Variants in MYRIP observed in about 807,000 individuals in gnomAD.
The protein encoded by MYRIP is rab effector MyRIP.
In MYRIP, 49 loss-of-function variants were observed where a neutral mutation model predicts 98.0. The ratio of observed to expected loss-of-function variants is 0.50; its 90% CI spans 0.40 to 0.63. MYRIP has a LOEUF of 0.63. Ranked by LOEUF, MYRIP falls within the 30% of genes least tolerant of loss-of-function variation. The pLI, the probability that MYRIP is intolerant of heterozygous loss-of-function variation, is 0.00. For synonymous variants in MYRIP, 404 were observed against 409.5 expected, an observed-to-expected ratio of 0.99 and a Z score of 0.16; for missense variants, 1,004 against 1,058.2, an observed-to-expected ratio of 0.95 and a Z score of 0.71.
At chr3:40,039,419 A>G (rs982077627) in intron 2 of MYRIP, among the ~76,000 whole-genome samples, 11 of 152,302 alleles carry the variant, frequency 7.2e-5, no homozygotes, top group Non-Finnish European at 1.3e-4. Flanking sequence ...AACAAGAGTA[A>G]CACGAGGAAG....
rs538312983 is a variant in MYRIP at position 40,179,370 on chromosome 3, ACT to A, written c.874-2845_874-2844del. Among the ~76,000 whole-genome samples the A allele has an allele frequency of 1.5e-4, 22 of 151,658 alleles. No homozygotes were observed. The South Asian group carries it at 4.0e-3, about 27-fold the overall frequency. The stretch of plus-strand genomic sequence containing the variant: ...CTATTTTTATAGCCTGGCATTCCCT[ACT>A]CTCTGCTGTTGGGACCAGAGAGGGA... On this transcript the variant is annotated intron_variant, in intron 8 of 16. Transcript: ENST00000302541.
At chr3:40,115,271 ATTAG>A (rs1278643433) in intron 3 of MYRIP, among the ~76,000 whole-genome samples, 1 of 152,188 alleles carries the variant, frequency 6.6e-6, no homozygotes, top group African/African-American at 2.4e-5. Flanking sequence ...TAAGTGTATT[ATTAG>A]TTCTCATGCT....
chr3:39,974,046 G>A (rs921922942), intron 2 of MYRIP, among the ~76,000 whole-genome samples: 1 of 151,786 alleles, frequency 6.6e-6, no homozygotes, highest in South Asian at 2.1e-4. Context: ...AAATAACTAA[G>A]ATCAGAGCAG....
intron 4 of MYRIP, among the ~76,000 whole-genome samples, chr3:40,154,915 G>A (rs932434561): frequency 6.6e-6 from 1 of 151,810 alleles, no homozygotes; most frequent in Non-Finnish European, 1.5e-5. Flanking sequence ...TTTATTTAGT[G>A]TTAGATAAAT....
At chr3:39,900,361 T>A in intron 1 of MYRIP, among the ~76,000 whole-genome samples, 1 of 151,496 alleles carries the variant, frequency 6.6e-6, no homozygotes, top group Non-Finnish European at 1.5e-5. Flanking sequence ...ATTTTTTTTA[T>A]AAATTAACAT....
At chr3:39,850,109 C>G (rs774139251) in intron 1 of MYRIP, among the ~76,000 whole-genome samples, 1 of 152,080 alleles carries the variant, frequency 6.6e-6, no homozygotes, top group Non-Finnish European at 1.5e-5. Context: ...GAGTAGAGGA[C>G]TAGTCTAGGG....
intron 4 of MYRIP, among the ~76,000 whole-genome samples, chr3:40,153,088 C>T (rs1186010309): frequency 1.3e-5 from 2 of 151,928 alleles, no homozygotes; most frequent in Admixed American, 1.3e-4. Flanking sequence ...CACTGCACTC[C>T]AGCCTGGGTG....
intron 5 of MYRIP, among the ~76,000 whole-genome samples, chr3:40,166,034 C>T (rs1159839680): frequency 6.6e-6 from 1 of 152,102 alleles, no homozygotes; most frequent in Non-Finnish European, 1.5e-5. Flanking sequence ...ACCTACTTAC[C>T]ACTGGATTTT....
In MYRIP at chr3:40,044,269, G is replaced by A. The variant is rs56248790; in HGVS notation, c.330G>A (p.Ala110=). The A allele has an allele frequency of 2.4e-3, 3,850 of 1,613,990 alleles. 9 individuals carry two copies. Among genetic ancestry groups the A allele is most frequent in the Middle Eastern group, 0.01 (61 of 6,060 alleles). The change falls in exon 3 of 17, where the codon GCG becomes GCA. Residue 110 remains alanine, a splice_region_variant and synonymous_variant. Transcript: ENST00000302541. ...KAWVCCVCQQ[A]RLLRAQSLEW... is the part of the protein sequence containing the mutation. ...GGGTCTGCTGCGTCTGCCAGCAAGC[G>A]AGGTGAGTGGCTGGTGCATTCCCAG...
chr3:39,852,867 G>A (rs1385268398), intron 1 of MYRIP, among the ~76,000 whole-genome samples: 2 of 152,134 alleles, frequency 1.3e-5, no homozygotes, highest in Non-Finnish European at 2.9e-5. Flanking sequence ...TGCAACCTCT[G>A]CCTTCTGGGT....
chr3:39,818,941 G>A (rs1254780754), intron 1 of MYRIP, among the ~76,000 whole-genome samples: 2 of 152,154 alleles, frequency 1.3e-5, no homozygotes, highest in Non-Finnish European at 2.9e-5. Context: ...ATATATTTTT[G>A]TGTATATATA....
chr3:40,101,365 G>C (rs1483966501), intron 3 of MYRIP, among the ~76,000 whole-genome samples: 7 of 151,914 alleles, frequency 4.6e-5, no homozygotes, highest in Non-Finnish European at 1.0e-4. Context: ...TCTTTCCTTT[G>C]GTCTCAGTGT....
chr3:39,970,986 G>A lies in MYRIP; in HGVS notation c.110+70060G>A, dbSNP rs199757164. Reference sequence around the variant, plus strand: ...GTTAACATGTATATTTCATACATACGTGGGAGATACCTAGAGAAGGAGTAA... The same window carrying A: ...GTTAACATGTATATTTCATACATACATGGGAGATACCTAGAGAAGGAGTAA... On this transcript the variant is annotated intron_variant, in intron 2 of 16. Coordinates refer to ENST00000302541, the MANE Select transcript of MYRIP (RefSeq NM_015460.4). Among the ~76,000 whole-genome samples the A allele has an allele frequency of 1.1e-4, 16 of 152,098 alleles. No homozygotes were observed. In the East Asian group the frequency reaches 2.7e-3, roughly 26 times the overall value.
chr3:40,140,616 C>T (rs1308358530), intron 3 of MYRIP, among the ~76,000 whole-genome samples: 1 of 152,184 alleles, frequency 6.6e-6, no homozygotes, highest in Non-Finnish European at 1.5e-5. Flanking sequence ...GCATCCTCAT[C>T]AGCATTTGCT....
At chr3:39,973,759 C>T (rs959069764) in intron 2 of MYRIP, among the ~76,000 whole-genome samples, 7 of 152,156 alleles carry the variant, frequency 4.6e-5, no homozygotes, top group Non-Finnish European at 8.8e-5. Flanking sequence ...TTCAAAACCG[C>T]CCAACTACAT....
intron 3 of MYRIP, among the ~76,000 whole-genome samples, chr3:40,095,445 G>A (rs1158170829): frequency 6.6e-6 from 1 of 152,128 alleles, no homozygotes; most frequent in Admixed American, 6.5e-5. Context: ...CAGAGCCCAC[G>A]AGCCTGGCCC....
intron 1 of MYRIP, among the ~76,000 whole-genome samples, chr3:39,890,750 GA>G: frequency 6.6e-6 from 1 of 151,928 alleles, no homozygotes; most frequent in East Asian, 1.9e-4. Context: ...TAGTGAAAAG[GA>G]AGACTGCTTA....
intron 1 of MYRIP, among the ~76,000 whole-genome samples, chr3:39,837,197 T>C (rs1322157197): frequency 6.6e-6 from 1 of 152,248 alleles, no homozygotes; most frequent in Non-Finnish European, 1.5e-5. Context: ...TTTCTTTTGC[T>C]GTCCAGAAGC....
chr3:39,948,725 T>A (rs1944950639), intron 2 of MYRIP, among the ~76,000 whole-genome samples: 1 of 151,914 alleles, frequency 6.6e-6, no homozygotes. Context: ...AAGAATAGAT[T>A]AGAGCAATAT....
Sources: gnomAD v4.1 joint callset for allele counts (sites outside exome capture counted in the v4.1 genomes callset) on GRCh38, gnomAD v4.1.1 for gene constraint, MANE v1.5 for transcripts, NCBI Gene and HGNC (gene_info 2026-07-23, HGNC 2026-07-21) for gene names.